KCTD1: variants seen among roughly 807,000 people sequenced by gnomAD.
KCTD1 encodes the protein potassium channel tetramerization domain containing 1.
A neutral mutation model predicts 66.0 loss-of-function variants in KCTD1; 24 were observed. The observed-to-expected ratio is 0.36, with a 90% CI of 0.26 to 0.51. KCTD1 has a LOEUF of 0.51. KCTD1 is among the 20% of genes least tolerant of loss of function. The pLI is 0.95. For synonymous variants in KCTD1, 511 were observed against 517.2 expected, an observed-to-expected ratio of 0.99 and a Z score of 0.16; for missense variants, 943 against 1,205.2, an observed-to-expected ratio of 0.78 and a Z score of 3.22.
At chr18:26,535,985 AAAG>A (rs748207617) in intron 1 of KCTD1, among the ~76,000 whole-genome samples, 1 of 147,608 alleles carries the variant, frequency 6.8e-6, no homozygotes, top group Non-Finnish European at 1.5e-5. Context: ...AAAAAAAAAA[AAAG>A]AAGATTTTTT....
chr18:26,626,165 AC>A (rs1308356465), intron 1 of KCTD1, among the ~76,000 whole-genome samples: 1 of 146,562 alleles, frequency 6.8e-6, no homozygotes, highest in African/African-American at 2.7e-5. Flanking sequence ...AAAAAAAAAA[AC>A]AAAAAAAAAA....
intron 2 of KCTD1, among the ~76,000 whole-genome samples, chr18:26,487,728 G>A (rs1484669848): frequency 6.6e-6 from 1 of 152,168 alleles, no homozygotes; most frequent in Non-Finnish European, 1.5e-5. Context: ...TCTGGGCTTA[G>A]TCGTGGTTTA....
intron 1 of KCTD1, among the ~76,000 whole-genome samples, chr18:26,588,940 G>A (rs1986534122): frequency 6.6e-6 from 1 of 152,180 alleles, no homozygotes; most frequent in South Asian, 2.1e-4. Context: ...ATGCGGCTTG[G>A]CTTACTTAAG....
chr18:26,538,228 CAA>C (rs1395261104), intron 1 of KCTD1, among the ~76,000 whole-genome samples: 1 of 151,718 alleles, frequency 6.6e-6, no homozygotes, highest in Non-Finnish European at 1.5e-5. Flanking sequence ...GCCTGGGAAA[CAA>C]GAGCAAAACT....
chr18:26,567,492 T>G (rs867240273), intron 1 of KCTD1, among the ~76,000 whole-genome samples: 1,622 of 150,374 alleles, frequency 0.011, 19 homozygotes, highest in Non-Finnish European at 0.018. Context: ...GTTGTTGTTT[T>G]TTTTTTTTTT....
Position 26,455,620 on chromosome 18 carries a change from G to GTGTC in KCTD1, c.*119_*122dup. ...GGTGTGGTCTCTATTGGATATAAAT[G>GTGTC]TGTCTTTTATTCGATTTTACGTCCA... On this transcript the variant is annotated 3_prime_UTR_variant, in exon 5 of 5. Transcript: ENST00000580059. 1 of 1,167,410 alleles carries GTGTC rather than the reference G, an allele frequency of 8.6e-7. No homozygotes were observed. 72.3% of individuals were successfully genotyped at this position (1,167,410 alleles called of 1,614,324 possible). A position where few individuals can be genotyped will look rare whatever the true frequency, so the allele number is the denominator to read the frequency against.
chr18:26,484,873 C>T (rs1328188713), intron 2 of KCTD1, among the ~76,000 whole-genome samples: 1 of 152,138 alleles, frequency 6.6e-6, no homozygotes, highest in Non-Finnish European at 1.5e-5. Context: ...AGCCCAAGAG[C>T]TCAGCTGAAG....
At chr18:26,612,917 T>C (rs910887516) in intron 1 of KCTD1, among the ~76,000 whole-genome samples, 4 of 152,184 alleles carry the variant, frequency 2.6e-5, no homozygotes, top group African/African-American at 7.2e-5. Flanking sequence ...GAAGGGTAAA[T>C]GTGGTCCTTG....
intron 1 of KCTD1, among the ~76,000 whole-genome samples, chr18:26,590,796 C>T (rs1986582737): frequency 6.6e-6 from 1 of 152,050 alleles, no homozygotes; most frequent in Non-Finnish European, 1.5e-5. Flanking sequence ...CATGAAGTAT[C>T]ACATTTTATC....
chr18:26,612,342 C>T (rs896486829), intron 1 of KCTD1, among the ~76,000 whole-genome samples: 1 of 152,124 alleles, frequency 6.6e-6, no homozygotes, highest in Non-Finnish European at 1.5e-5. Flanking sequence ...TGATCCCCTT[C>T]CCAAAAACAT....
At chr18:26,492,740 A>G (rs1231047466) in intron 2 of KCTD1, among the ~76,000 whole-genome samples, 2 of 152,164 alleles carry the variant, frequency 1.3e-5, no homozygotes, top group Admixed American at 6.5e-5. Flanking sequence ...CCATTTCCCA[A>G]AGAACACTGA....
chr18:26,497,891 A>C (rs1235569514), intron 2 of KCTD1, among the ~76,000 whole-genome samples: 1 of 152,240 alleles, frequency 6.6e-6, no homozygotes, highest in Non-Finnish European at 1.5e-5. Flanking sequence ...GAGTCCCCTG[A>C]GACGGGAGTC....
chr18:26,572,591 G>A (rs547693556), intron 1 of KCTD1, among the ~76,000 whole-genome samples: 1 of 152,304 alleles, frequency 6.6e-6, no homozygotes, highest in South Asian at 2.1e-4. Flanking sequence ...ATCAATCAGT[G>A]TGTGGGGTTA....
intron 1 of KCTD1, among the ~76,000 whole-genome samples, chr18:26,611,760 T>C (rs1197214454): frequency 2.0e-5 from 3 of 152,264 alleles, no homozygotes; most frequent in Admixed American, 1.3e-4. Flanking sequence ...CTCTTTTGCA[T>C]GCCTGGTAAT....
chr18:26,457,502 G>C (rs1218343002), intron 4 of KCTD1: 1 of 152,176 alleles, frequency 6.6e-6, no homozygotes, highest in Admixed American at 6.5e-5. Flanking sequence ...ACCTAACCCT[G>C]ATGTCCATTT....
Position 26,547,432 on chromosome 18 carries a change from T to A in KCTD1, c.1105A>T (p.Ser369Cys). ...SSSWSKKRAE[S>C]SDEENLPRMY... ...CGGGGCAAGTTCTCCTCGTCGCTGC[T>A]CTCGGCGCGCTTCTTGCTCCACGAC... The change falls in exon 1 of 5, where the codon AGC (serine) becomes TGC (cysteine). Residue 369 changes from serine (S) to cysteine (C), a missense_variant. Ser to Cys is a moderately radical substitution (Grantham distance 112). Around this residue, in one of 10 missense-constraint regions of KCTD1, gnomAD observed 66 missense variants for 61.6 expected, o/e 1.07. Coordinates refer to ENST00000580059, the MANE Select transcript of KCTD1 (RefSeq NM_001142730.3). The A allele has an allele frequency of 6.4e-7, 1 of 1,551,352 alleles. No homozygotes were observed. Among genetic ancestry groups the A allele is most frequent in the Middle Eastern group, 1.7e-4 (1 of 5,990 alleles).
At chr18:26,509,438 G>C (rs527773118) in intron 1 of KCTD1, among the ~76,000 whole-genome samples, 4 of 151,826 alleles carry the variant, frequency 2.6e-5, no homozygotes, top group South Asian at 2.1e-4. Context: ...ATATTTATGA[G>C]GTACAGAGTG....
intron 1 of KCTD1, among the ~76,000 whole-genome samples, chr18:26,541,287 G>A (rs4800739): frequency 0.31 from 46,510 of 152,044 alleles, 7,265 homozygotes; most frequent in South Asian, 0.36. Context: ...CTCATTGGGG[G>A]TGAAAATGTT....
chr18:26,655,611 G>A (rs1267627501), intron 1 of KCTD1: 1 of 152,244 alleles, frequency 6.6e-6, no homozygotes, highest in East Asian at 1.9e-4. Context: ...GACAGTTCTG[G>A]TGTGCCATTC....
Sources: allele counts gnomAD v4.1 joint callset (sites outside exome capture counted in the v4.1 genomes callset), GRCh38; gene constraint gnomAD v4.1.1; regional missense constraint gnomAD v4.1.1; transcripts MANE v1.5; gene names NCBI Gene and HGNC (gene_info 2026-07-23, HGNC 2026-07-21).